Variants in ELAC2 observed in about 807,000 individuals in gnomAD.
ELAC2 encodes the protein zinc phosphodiesterase ELAC protein 2.
A neutral mutation model predicts 105.2 loss-of-function variants in ELAC2; 92 were observed. That is an observed-to-expected ratio of 0.87 (90% confidence interval 0.74 to 1.04). ELAC2 has a LOEUF of 1.04. Ranked by LOEUF, ELAC2 falls within the 50% of genes least tolerant of loss-of-function variation. The pLI is 0.00. For synonymous variants in ELAC2, 468 were observed against 409.1 expected, an observed-to-expected ratio of 1.14 and a Z score of -1.74; for missense variants, 1,099 against 1,071.7, an observed-to-expected ratio of 1.03 and a Z score of -0.36.
At position 13,000,226 on chromosome 17, in the gene ELAC2, C is replaced by T. The variant is rs776280164; in HGVS notation, c.1353G>A (p.Leu451=). The T allele has an allele frequency of 3.1e-6, 5 of 1,614,028 alleles. No homozygotes were observed. The East Asian group carries it at 1.1e-4, about 36-fold the overall frequency. Residue 451 remains leucine (L), a synonymous_variant, in exon 15 of 24, where the codon CTG becomes CTA. Coordinates refer to ENST00000338034, the MANE Select transcript of ELAC2 (RefSeq NM_018127.7). ...CNPEEFIVEA[L]QLPNFQQSVQ... ...CGCTCTGCTGGAAGTTGGGAAGCTG[C>T]AGCGCCTCAACTATGAATTCCTCAG...
chr17:13,000,419 C>G, intron 14 of ELAC2, 145 bp from the exon 15 acceptor site: 1 of 790,190 alleles, frequency 1.3e-6, no homozygotes, highest in Non-Finnish European at 2.2e-6. Flanking sequence ...TGACTAGGAT[C>G]TGGGGCAGGT....
In ELAC2 at chr17:13,000,182, C is replaced by T. The variant is rs1171864977; in HGVS notation, c.1397G>A (p.Ser466Asn). The change falls in exon 15 of 24, where the codon AGT becomes AAT. Residue 466 changes from serine (S) to asparagine (N), a missense_variant. Transcript: ENST00000338034. ...FQQSVQEYRR[S>N]AQDGPAPAEK... Reference sequence around the variant, plus strand: ...TGCTGGGGCTGGGCCGTCCTGCGCACTCCTCCTGTACTCCTGCACGCTCTG... The same window carrying T: ...TGCTGGGGCTGGGCCGTCCTGCGCATTCCTCCTGTACTCCTGCACGCTCTG... 6.2e-7 allele frequency: 1 copy of T among 1,613,846 alleles called. No individual in the cohort carries two copies. Among genetic ancestry groups the T allele is most frequent in the Non-Finnish European group, 8.5e-7 (1 of 1,180,050 alleles).
chr17:13,002,145 C>G (rs551661912), intron 14 of ELAC2, 129 bp downstream of exon 14: 1 of 967,084 alleles, frequency 1.0e-6, no homozygotes, highest in Non-Finnish European at 1.6e-6. Context: ...GTGCTCAAAG[C>G]GGAGTTGAAT....
At chr17:13,006,766 T>TA (rs1272814716) in intron 8 of ELAC2, among the ~76,000 whole-genome samples, 1 of 152,206 alleles carries the variant, frequency 6.6e-6, no homozygotes, top group African/African-American at 2.4e-5. Flanking sequence ...ATTTCTCTTG[T>TA]ATTTTTCAAT....
intron 5 of ELAC2, among the ~76,000 whole-genome samples, chr17:13,013,837 CCAACTCAAAG>C (rs1385467335): frequency 6.6e-6 from 1 of 152,092 alleles, no homozygotes; most frequent in African/African-American, 2.4e-5. Context: ...ACCCCCGCCC[CCAACTCAAAG>C]CAACTCAACG....
At position 12,992,388 on chromosome 17, in the gene ELAC2, C is replaced by A. The variant is rs2040226887; in HGVS notation, c.*430G>T. The A allele has an allele frequency of 5.5e-6, 2 of 361,006 alleles. No homozygotes were observed. The highest frequency in any genetic ancestry group is 2.0e-5 in the African/African-American group (1 of 49,048). The allele number at this position is 361,006 out of a possible 1,614,324, so 22.4% of individuals were successfully genotyped here. A position where few individuals can be genotyped will look rare whatever the true frequency, so the allele number is the denominator to read the frequency against. ...CAGCAGGAGGAAGCAAAAGAACTCA[C>A]AATTGCAAACTCAATCTTTATTGCA... On this transcript the variant is annotated 3_prime_UTR_variant, in exon 24 of 24. Transcript: ENST00000338034.
At position 12,999,304 on chromosome 17, in the gene ELAC2, C is replaced by T. The variant is rs576954387; in HGVS notation, c.1424-796G>A. 2.6e-5 allele frequency among the ~76,000 whole-genome samples: 4 copies of T among 152,322 alleles called. No homozygotes were observed. In the South Asian group the frequency reaches 6.2e-4, roughly 24 times the overall value. The stretch of plus-strand genomic sequence containing the variant: ...GCTCTCACTGCAAGACCATGCACTT[C>T]GGTCGCATCCTCCCAGCCCTACCAG... On this transcript the variant is annotated intron_variant, in intron 15 of 23. Coordinates refer to ENST00000338034, the MANE Select transcript of ELAC2 (RefSeq NM_018127.7).
At chr17:13,011,831 A>AC (rs2041433102) in intron 6 of ELAC2, 49 bp from the exon 7 acceptor site, 1 of 1,613,772 alleles carries the variant, frequency 6.2e-7, no homozygotes, top group Non-Finnish European at 8.5e-7. Flanking sequence ...AGGTGAGCTG[A>AC]CAGCCAAGGC....
chr17:13,017,414 T>A lies in ELAC2; in HGVS notation c.245+289A>T, dbSNP rs551625457. On this transcript the variant is annotated intron_variant, in intron 1 of 23. Coordinates refer to ENST00000338034, the MANE Select transcript of ELAC2 (RefSeq NM_018127.7). ...ACACGCTAACAACGACACACTGGCC[T>A]TGGGGTGCACGGAAGAGGGTGGAGC... 4.7e-6 allele frequency: 3 copies of A among 641,848 alleles called. No homozygotes were observed. In the East Asian group the frequency reaches 8.3e-5, roughly 18 times the overall value. 39.8% of individuals were successfully genotyped at this position (641,848 alleles called of 1,614,324 possible). A position where few individuals can be genotyped will look rare whatever the true frequency, so the allele number is the denominator to read the frequency against.
intron 11 of ELAC2, chr17:13,003,921 C>T (rs988268457): frequency 3.6e-6 from 1 of 279,272 alleles, no homozygotes. Flanking sequence ...CCTGCTCCCT[C>T]TCTCCTTCCT....
At chr17:13,004,701 T>G (rs2041012528) in intron 11 of ELAC2, among the ~76,000 whole-genome samples, 1 of 152,226 alleles carries the variant, frequency 6.6e-6, no homozygotes, top group African/African-American at 2.4e-5. Context: ...TTAGTTAGAA[T>G]TCAAAAAAGT....
chr17:12,997,002 G>C (rs919396292), intron 16 of ELAC2, among the ~76,000 whole-genome samples: 3 of 151,622 alleles, frequency 2.0e-5, no homozygotes, highest in Non-Finnish European at 2.9e-5. Flanking sequence ...CAATGAATCT[G>C]ACCATGCAGA....
chr17:12,991,938 AAGG>A lies in ELAC2; in HGVS notation c.*877_*879del, dbSNP rs1406050124. Among the ~76,000 whole-genome samples the A allele has an allele frequency of 6.6e-6, 1 of 152,284 alleles. No homozygotes were observed. Among genetic ancestry groups the A allele is most frequent in the African/African-American group, 2.4e-5 (1 of 41,562 alleles). On this transcript the variant is annotated 3_prime_UTR_variant, in exon 24 of 24. Transcript: ENST00000338034. ...ACTAATCCACGTCTGTAAATCCCGC[AAGG>A]AGGACAATGGAAACCAGCCCCGTGT...
intron 17 of ELAC2, chr17:12,996,194 C>T (rs1355999396): frequency 3.0e-6 from 2 of 668,968 alleles, no homozygotes; most frequent in East Asian, 5.4e-5. Flanking sequence ...GGGAAGAGGG[C>T]AACGGCCCAG....
At chr17:13,004,895 T>C (rs1450056314) in intron 11 of ELAC2, 94 bp downstream of exon 11, 4 of 1,017,646 alleles carry the variant, frequency 3.9e-6, no homozygotes, top group Non-Finnish European at 6.2e-6. Flanking sequence ...GATAGTGGTC[T>C]TCCCAGAAAC....
chr17:13,005,513 CT>C (rs771626719), intron 10 of ELAC2, among the ~76,000 whole-genome samples: 1 of 152,158 alleles, frequency 6.6e-6, no homozygotes, highest in Non-Finnish European at 1.5e-5. Context: ...AGCATGCACC[CT>C]TTAAGGAGGA....
chr17:13,002,172 A>G, intron 14 of ELAC2, 102 bp downstream of exon 14: 1 of 1,239,528 alleles, frequency 8.1e-7, no homozygotes, highest in Non-Finnish European at 1.2e-6. Context: ...AACAGAGACC[A>G]TATGGTCTGG....
At chr17:13,003,814 C>T in intron 11 of ELAC2, 1 of 539,564 alleles carries the variant, frequency 1.9e-6, no homozygotes, top group Non-Finnish European at 3.4e-6. Flanking sequence ...TTCCAGTAGG[C>T]CTGGCTGATC....
At chr17:12,999,297 T>A (rs558859589) in intron 15 of ELAC2, among the ~76,000 whole-genome samples, 2 of 152,336 alleles carry the variant, frequency 1.3e-5, no homozygotes, top group African/African-American at 4.8e-5. Flanking sequence ...TGCAAGACCA[T>A]GCACTTCGGT....
Sources: gnomAD v4.1 joint callset for allele counts (sites outside exome capture counted in the v4.1 genomes callset) on GRCh38, gnomAD v4.1.1 for gene constraint, MANE v1.5 for transcripts, NCBI Gene and HGNC (gene_info 2026-07-23, HGNC 2026-07-21) for gene names.